Variants in DPP8 observed in about 807,000 individuals in gnomAD.
DPP8 encodes the protein DPP VIII.
Under a neutral mutation model 107.5 loss-of-function variants are expected in DPP8, and 31 were observed. The ratio of observed to expected loss-of-function variants is 0.29; its 90% CI spans 0.22 to 0.39. The LOEUF (loss-of-function observed/expected upper bound fraction) is 0.39, where lower values mean the gene tolerates loss of function less well. Ranked by LOEUF, DPP8 falls within the 10% of genes least tolerant of loss-of-function variation. DPP8 has a pLI of 1.00. For missense variants in DPP8, 842 were observed against 1,076.1 expected (o/e 0.78, Z 3.04); for synonymous variants, 381 against 356.6 (o/e 1.07, Z -0.77).
intron 1 of DPP8, among the ~76,000 whole-genome samples, chr15:65,514,731 T>TGAACTCCTGACCTC (rs1417919567): frequency 6.6e-6 from 1 of 152,126 alleles, no homozygotes; most frequent in African/African-American, 2.4e-5. Context: ...AGGCTGGTCT[T>TGAACTCCTGACCTC]GAACTCCTGA....
intron 11 of DPP8, chr15:65,475,466 G>A: frequency 6.4e-7 from 1 of 1,560,314 alleles, no homozygotes; most frequent in East Asian, 2.3e-5. Context: ...AGAGCTGCAG[G>A]GCTGGGGTCC....
chr15:65,513,710 CTAAA>C (rs1361984082), intron 1 of DPP8, among the ~76,000 whole-genome samples: 13 of 143,136 alleles, frequency 9.1e-5, no homozygotes, highest in African/African-American at 2.3e-4. Context: ...GGTTCAACCC[CTAAA>C]TAGTGTTTGT....
intron 4 of DPP8, among the ~76,000 whole-genome samples, chr15:65,499,226 C>T (rs2068938222): frequency 6.6e-6 from 1 of 151,534 alleles, no homozygotes; most frequent in Non-Finnish European, 1.5e-5. Context: ...TGCCCGTTAC[C>T]TTTCCTTTTT....
At chr15:65,511,913 A>C in intron 2 of DPP8, 1 of 319,680 alleles carries the variant, frequency 3.1e-6, no homozygotes, top group South Asian at 2.8e-5. Context: ...TGGATTCAGG[A>C]AGAAGAGACC....
At chr15:65,465,715 C>T (rs541917173) in intron 14 of DPP8, among the ~76,000 whole-genome samples, 63 of 151,786 alleles carry the variant, frequency 4.2e-4, no homozygotes, top group African/African-American at 1.5e-3. Flanking sequence ...ACCACCACAC[C>T]CGGCTAATTT....
intron 15 of DPP8, among the ~76,000 whole-genome samples, chr15:65,461,889 G>A (rs1470052431): frequency 4.0e-5 from 6 of 151,472 alleles, no homozygotes; most frequent in East Asian, 3.9e-4. Context: ...TTGAGCCATC[G>A]CGCACAGCCG....
chr15:65,475,278 A>G (rs1398407001), intron 11 of DPP8: 3 of 641,998 alleles, frequency 4.7e-6, no homozygotes, highest in Non-Finnish European at 8.4e-6. Flanking sequence ...AGAGAGACCC[A>G]AATACCTCTA....
intron 3 of DPP8, among the ~76,000 whole-genome samples, chr15:65,504,410 G>A (rs947403620): frequency 6.6e-6 from 1 of 151,122 alleles, no homozygotes; most frequent in South Asian, 2.1e-4. Context: ...AGCGGCTCAC[G>A]CTTGTAATTC....
intron 12 of DPP8, among the ~76,000 whole-genome samples, chr15:65,469,027 G>A (rs927615415): frequency 6.6e-6 from 1 of 152,102 alleles, no homozygotes; most frequent in Non-Finnish European, 1.5e-5. Context: ...CCAGGCTGGA[G>A]TGCAGTGGCG....
intron 3 of DPP8, among the ~76,000 whole-genome samples, chr15:65,506,119 C>T (rs899304926): frequency 6.6e-6 from 1 of 151,912 alleles, no homozygotes; most frequent in African/African-American, 2.4e-5. Flanking sequence ...ATCACGAGGT[C>T]AGGAGATCGA....
At chr15:65,448,866 A>ATATATATATATGTGTGTGTG (rs2063712319) in intron 19 of DPP8, among the ~76,000 whole-genome samples, 3 of 4,490 alleles carry the variant, frequency 6.7e-4, no homozygotes, top group African/African-American at 1.6e-3. Flanking sequence ...TATATCTAAA[A>ATATATATATATGTGTGTGTG]TATATATATA....
chr15:65,474,797 A>G (rs1309639444), intron 11 of DPP8, among the ~76,000 whole-genome samples: 1 of 152,216 alleles, frequency 6.6e-6, no homozygotes, highest in Non-Finnish European at 1.5e-5. Flanking sequence ...CGTTTTATGA[A>G]TTTCACTTCA....
At chr15:65,486,497 T>C (rs1308781921) in intron 7 of DPP8, among the ~76,000 whole-genome samples, 2 of 151,896 alleles carry the variant, frequency 1.3e-5, no homozygotes, top group Admixed American at 6.6e-5. Flanking sequence ...GGAGGTATAG[T>C]GAGCCAAGAT....
chr15:65,471,514 T>G (rs1838258577), intron 12 of DPP8, among the ~76,000 whole-genome samples: 2 of 86,080 alleles, frequency 2.3e-5, no homozygotes, highest in African/African-American at 8.0e-5. Context: ...AACCAGCCTA[T>G]TTTTTTTTTT....
At chr15:65,480,175 TA>T (rs760057604) in intron 10 of DPP8, 46 bp downstream of exon 10, 21 of 1,546,810 alleles carry the variant, frequency 1.4e-5, no homozygotes, top group Non-Finnish European at 1.8e-5. Context: ...TCATTTGCTT[TA>T]GCATTCTGAG....
At chr15:65,510,163 C>T (rs960034425) in intron 2 of DPP8, among the ~76,000 whole-genome samples, 14 of 151,334 alleles carry the variant, frequency 9.3e-5, no homozygotes, top group African/African-American at 3.4e-4. Flanking sequence ...AAAAAATACA[C>T]AAATTAGCTG....
intron 5 of DPP8, 113 bp downstream of exon 5, chr15:65,497,751 A>T: frequency 2.4e-6 from 2 of 832,244 alleles, no homozygotes; most frequent in African/African-American, 1.7e-5. Context: ...TAAAGACTTG[A>T]ATTTCAAATA....
chr15:65,511,361 T>C (rs1408650476), intron 2 of DPP8, among the ~76,000 whole-genome samples: 5 of 152,020 alleles, frequency 3.3e-5, no homozygotes, highest in Non-Finnish European at 5.9e-5. Flanking sequence ...TGGCAGCGTG[T>C]GACCATTATT....
chr15:65,468,864 T>C (rs2086178219), intron 12 of DPP8, among the ~76,000 whole-genome samples: 1 of 152,184 alleles, frequency 6.6e-6, no homozygotes, highest in South Asian at 2.1e-4. Flanking sequence ...TTCCTGTAAC[T>C]ACTTAACATC....
Sources: gnomAD v4.1 joint callset for allele counts (sites outside exome capture counted in the v4.1 genomes callset) on GRCh38, gnomAD v4.1.1 for gene constraint, MANE v1.5 for transcripts, NCBI Gene and HGNC (gene_info 2026-07-23, HGNC 2026-07-21) for gene names.